ATP5MC2: variants seen among roughly 807,000 people sequenced by gnomAD.
ATP5MC2 encodes the protein ATP synthase F(0) complex subunit C2, mitochondrial.
Under a neutral mutation model 13.5 loss-of-function variants are expected in ATP5MC2, and 11 were observed. The ratio of observed to expected loss-of-function variants is 0.81; its 90% CI spans 0.51 to 1.35. The LOEUF (loss-of-function observed/expected upper bound fraction) is 1.35. ATP5MC2 is among the 40% of genes most tolerant of loss of function. ATP5MC2 has a pLI of 0.00. For synonymous variants in ATP5MC2, 64 were observed against 69.7 expected (o/e 0.92, Z 0.41); for missense variants, 132 against 175.0 (o/e 0.75, Z 1.39).
At chr12:53,677,503 C>T (rs879784968), upstream of ATP5MC2, 1 of 152,202 alleles carries the variant, frequency 6.6e-6, no homozygotes, top group Non-Finnish European at 1.5e-5. Context: ...TATATGGGCC[C>T]GTTATTTCAC....
At chr12:53,679,238 CGAGAGAGAGAGAGAGAGA>C (rs59340879), upstream of ATP5MC2, among the ~76,000 whole-genome samples, 7 of 127,766 alleles carry the variant, frequency 5.5e-5, no homozygotes, top group Admixed American at 1.5e-4. Flanking sequence ...ATTTTAAAAA[CGAGAGAGAGAGAGAGAGA>C]GAGAGAGAGA....
intron 4 of ATP5MC2, among the ~76,000 whole-genome samples, chr12:53,667,948 T>TACAC (rs1224099084): frequency 3.8e-4 from 19 of 50,446 alleles, no homozygotes; most frequent in South Asian, 1.5e-3. Context: ...CATACATACA[T>TACAC]ACACACACAT....
chr12:53,667,950 CACACACATATATATATATATAT>C lies in ATP5MC2; in HGVS notation c.311+1176_311+1197del, dbSNP rs1201050293. ...AAACATTCTAATACATACATACATA[CACACACATATATATATATATAT>C]ATATATATATATATATATATATAAA... On this transcript the variant is annotated intron_variant, in intron 4 of 4. Transcript: ENST00000394349. Among the ~76,000 whole-genome samples the C allele has an allele frequency of 1.9e-4, 7 of 37,266 alleles. No individual in the cohort carries two copies. The East Asian group carries it at 0.013, about 70-fold the overall frequency. 24.4% of individuals were successfully genotyped at this position (37,266 alleles called of 152,430 possible). A position where few individuals can be genotyped will look rare whatever the true frequency, so the allele number is the denominator to read the frequency against.
chr12:53,679,796 T>C (rs1945331389), upstream of ATP5MC2, among the ~76,000 whole-genome samples: 1 of 152,008 alleles, frequency 6.6e-6, no homozygotes, highest in Admixed American at 6.6e-5. Flanking sequence ...CCCTAAGACA[T>C]CAGGACTGTG....
At chr12:53,678,563 T>A (rs544209800), upstream of ATP5MC2, among the ~76,000 whole-genome samples, 143 of 152,258 alleles carry the variant, frequency 9.4e-4, 2 homozygotes, top group African/African-American at 3.1e-3. Flanking sequence ...TGCTGGTGAG[T>A]GGAGATCTGA....
At chr12:53,666,782 T>TAAAAA (rs1944926646) in intron 4 of ATP5MC2, among the ~76,000 whole-genome samples, 1 of 138,550 alleles carries the variant, frequency 7.2e-6, no homozygotes, top group African/African-American at 2.7e-5. Flanking sequence ...TAAAATAAAA[T>TAAAAA]AAAAAAATAA....
upstream of ATP5MC2, among the ~76,000 whole-genome samples, chr12:53,679,124 T>C (rs1945325672): frequency 2.0e-5 from 3 of 152,146 alleles, no homozygotes; most frequent in African/African-American, 7.2e-5. Context: ...TTGATTTGTT[T>C]ATATATGTTT....
chr12:53,667,989 ATATAT>A (rs1565625354), intron 4 of ATP5MC2, among the ~76,000 whole-genome samples: 18 of 79,198 alleles, frequency 2.3e-4, no homozygotes, highest in African/African-American at 1.0e-3. Context: ...ATATATATAT[ATATAT>A]AAATTTTTTT....
upstream of ATP5MC2, chr12:53,676,170 A>T: frequency 6.2e-7 from 1 of 1,614,264 alleles, no homozygotes; most frequent in Admixed American, 1.7e-5. Context: ...AGTGATTGCA[A>T]CATACAGGAT....
At chr12:53,671,145 A>G (rs1410204757) in intron 2 of ATP5MC2, among the ~76,000 whole-genome samples, 1 of 152,180 alleles carries the variant, frequency 6.6e-6, no homozygotes, top group Non-Finnish European at 1.5e-5. Flanking sequence ...ACCCCAAGCC[A>G]GTGACACCAA....
chr12:53,667,332 C>T (rs905644307), intron 4 of ATP5MC2, among the ~76,000 whole-genome samples: 8 of 152,022 alleles, frequency 5.3e-5, no homozygotes, highest in Non-Finnish European at 8.8e-5. Flanking sequence ...GGGAAATTCC[C>T]AGAGATGGGA....
At position 53,669,318 on chromosome 12, in the gene ATP5MC2, T is replaced by C. The variant is rs750101080; in HGVS notation, c.141A>G (p.Ser47=). 3 of 1,613,638 alleles carry C rather than the reference T, an allele frequency of 1.9e-6. No individual in the cohort carries two copies. Among genetic ancestry groups the C allele is most frequent in the African/African-American group, 1.3e-5 (1 of 75,006 alleles). Residue 47 remains serine (S), a synonymous_variant, in exon 4 of 5, where the codon TCA becomes TCG. Coordinates refer to ENST00000394349, the MANE Select transcript of ATP5MC2 (RefSeq NM_005176.7). Reference sequence around the variant, plus strand: ...TAGAGACAAGTGAGGTAAGGGGACATGAGACTGCCAAGCTGCTGAGGCTCT... The same window carrying C: ...TAGAGACAAGTGAGGTAAGGGGACACGAGACTGCCAAGCTGCTGAGGCTCT... ...TDESLSSLAV[S]CPLTSLVSSR...
chr12:53,680,800 G>A (rs1245733184), upstream of ATP5MC2, among the ~76,000 whole-genome samples: 1 of 152,106 alleles, frequency 6.6e-6, no homozygotes, highest in Non-Finnish European at 1.5e-5. Flanking sequence ...ACTGTTCTTG[G>A]TGTTGAGGAC....
chr12:53,672,490 G>C, intron 2 of ATP5MC2, 86 bp downstream of exon 2: 1 of 1,384,710 alleles, frequency 7.2e-7, no homozygotes, highest in Non-Finnish European at 1.0e-6. Context: ...CTCTCCCCCA[G>C]CCTTGCTGTG....
At chr12:53,675,970 A>G in intron 1 of ATP5MC2, 83 bp downstream of exon 1, 2 of 1,553,676 alleles carry the variant, frequency 1.3e-6, no homozygotes, top group Non-Finnish European at 1.7e-6. Context: ...CACGCAAGGT[A>G]AGCGCCTCAA....
upstream of ATP5MC2, chr12:53,676,234 T>C: frequency 1.3e-6 from 2 of 1,596,174 alleles, no homozygotes; most frequent in Non-Finnish European, 1.7e-6. Context: ...TCCGGCCGGT[T>C]GCTCCACCTG....
intron 4 of ATP5MC2, among the ~76,000 whole-genome samples, chr12:53,666,807 G>A (rs576917763): frequency 9.9e-5 from 15 of 151,420 alleles, no homozygotes; most frequent in African/African-American, 2.2e-4. Context: ...TTAGCCGGGC[G>A]TGGTGGTGGG....
intron 4 of ATP5MC2, among the ~76,000 whole-genome samples, chr12:53,667,043 CT>C (rs1286834409): frequency 2.0e-5 from 3 of 151,772 alleles, no homozygotes; most frequent in Non-Finnish European, 4.4e-5. Context: ...CATATATAAT[CT>C]GTATTTCCCT....
chr12:53,667,950 C>CAT (rs1281755104), intron 4 of ATP5MC2, among the ~76,000 whole-genome samples: 579 of 37,098 alleles, frequency 0.016, 23 homozygotes, highest in African/African-American at 0.044. Flanking sequence ...TACATACATA[C>CAT]ACACACATAT....
Sources: gnomAD v4.1 joint callset for allele counts (sites outside exome capture counted in the v4.1 genomes callset) on GRCh38, gnomAD v4.1.1 for gene constraint, MANE v1.5 for transcripts, NCBI Gene and HGNC (gene_info 2026-07-23, HGNC 2026-07-21) for gene names.